DLST: variants seen among roughly 807,000 people sequenced by gnomAD.
The protein encoded by DLST is dihydrolipoamide S-succinyltransferase.
DLST carries 17 observed loss-of-function variants against 53.1 expected under a neutral mutation model. The ratio of observed to expected loss-of-function variants is 0.32; its 90% confidence interval spans 0.22 to 0.48. DLST has a LOEUF of 0.48. Ranked by LOEUF, DLST falls within the 20% of genes least tolerant of loss-of-function variation. The pLI is 0.99. For missense variants in DLST, 512 were observed against 583.9 expected (o/e 0.88, Z 1.27); for synonymous variants, 206 against 204.8 (o/e 1.01, Z -0.05).
intron 10 of DLST, among the ~76,000 whole-genome samples, chr14:74,896,115 TC>T (rs1368294152): frequency 6.6e-6 from 1 of 152,112 alleles, no homozygotes; most frequent in Non-Finnish European, 1.5e-5. Context: ...TGCTTTGGTC[TC>T]CCACTGGGAT....
intron 2 of DLST, 97 bp downstream of exon 2, chr14:74,882,721 A>C: frequency 8.5e-7 from 1 of 1,169,982 alleles, no homozygotes; most frequent in Non-Finnish European, 1.3e-6. Flanking sequence ...TAATATTTAA[A>C]GACAGTTTGG....
chr14:74,893,222 G>C, intron 8 of DLST, 126 bp from the exon 9 acceptor site: 1 of 1,151,980 alleles, frequency 8.7e-7, no homozygotes, highest in Non-Finnish European at 1.3e-6. Context: ...TGTGAAGTTG[G>C]AGTGATACTA....
At chr14:74,894,232 C>T (rs1474297291) in intron 9 of DLST, 80 bp from the exon 10 acceptor site, 8 of 1,549,944 alleles carry the variant, frequency 5.2e-6, no homozygotes, top group Non-Finnish European at 7.0e-6. Flanking sequence ...TCGTGGCAAG[C>T]CGTGTTCTTT....
chr14:74,903,095 C>T lies in DLST; in HGVS notation c.*765C>T, dbSNP rs1053807068. 3 of 152,732 alleles carry T rather than the reference C, an allele frequency of 2.0e-5. No individual in the cohort carries two copies. Among genetic ancestry groups the T allele is most frequent in the Non-Finnish European group, 2.9e-5 (2 of 68,104 alleles). The allele number at this position is 152,732 out of a possible 1,614,324, so 9.5% of individuals were successfully genotyped here. On this transcript the variant is annotated 3_prime_UTR_variant, in exon 15 of 15. Coordinates refer to ENST00000334220, the MANE Select transcript of DLST (RefSeq NM_001933.5). ...ACAGCTGGGGCTGTAGCAACCCTTT[C>T]CAACCCCTTTGCTGGTTGCTGGGCC...
Position 74,898,485 on chromosome 14 carries a change from C to T in DLST, c.887C>T (p.Pro296Leu), listed in dbSNP as rs1356433669. 4 of 1,614,156 alleles carry T rather than the reference C, an allele frequency of 2.5e-6. No individual in the cohort carries two copies. Among genetic ancestry groups the T allele is most frequent in the South Asian group, 1.1e-5 (1 of 91,078 alleles). ...TCAGCCTTTGCCTTGCAGGAACAGC[C>T]TGTTGTAAATGCAGGTGAGTTGCTT... ...KASAFALQEQ[P>L]VVNAVIDDTT... Residue 296 changes from proline to leucine, a missense_variant, in exon 11 of 15, where the codon CCT becomes CTT. Around this residue, in one of 4 missense-constraint regions of DLST, gnomAD observed 186 missense variants for 260.4 expected, o/e 0.71. Transcript: ENST00000334220.
At chr14:74,889,497 T>C (rs1883826841) in intron 5 of DLST, 148 bp downstream of exon 5, 2 of 664,828 alleles carry the variant, frequency 3.0e-6, no homozygotes, top group South Asian at 2.0e-5. Flanking sequence ...GCCTCCCGAA[T>C]AGCTGGGATT....
At chr14:74,890,247 C>T (rs1269673270) in intron 6 of DLST, among the ~76,000 whole-genome samples, 1 of 151,262 alleles carries the variant, frequency 6.6e-6, no homozygotes, top group African/African-American at 2.4e-5. Flanking sequence ...CCTGCCTCAG[C>T]CTCCCTAGTA....
At chr14:74,892,587 A>G (rs778352161) in intron 7 of DLST, among the ~76,000 whole-genome samples, 1 of 151,588 alleles carries the variant, frequency 6.6e-6, no homozygotes, top group Non-Finnish European at 1.5e-5. Flanking sequence ...GAATTTATTC[A>G]GTGGAAACCT....
At chr14:74,890,117 CA>C (rs1883852223) in intron 6 of DLST, among the ~76,000 whole-genome samples, 165 bp downstream of exon 6, 1 of 140,676 alleles carries the variant, frequency 7.1e-6, no homozygotes, top group African/African-American at 2.7e-5. Context: ...CAACTTTTTA[CA>C]TTTAACTTTT....
chr14:74,895,432 C>G (rs1884046244), intron 10 of DLST, among the ~76,000 whole-genome samples: 1 of 152,188 alleles, frequency 6.6e-6, no homozygotes, highest in South Asian at 2.1e-4. Context: ...TGAGTGCGTA[C>G]TGTATACAGA....
intron 10 of DLST, among the ~76,000 whole-genome samples, chr14:74,894,749 G>A (rs888182035): frequency 4.0e-5 from 6 of 151,774 alleles, no homozygotes; most frequent in Non-Finnish European, 7.4e-5. Context: ...GGGTTTCACC[G>A]TGTTAGCCAG....
intron 9 of DLST, 132 bp downstream of exon 9, chr14:74,893,556 G>A (rs1221516064): frequency 1.6e-5 from 15 of 926,130 alleles, no homozygotes. Flanking sequence ...GGGAGTTTAG[G>A]ATATAACTTC....
In DLST at chr14:74,899,621, A is replaced by G. The variant is rs111904074; in HGVS notation, c.902-302A>G. Among the ~76,000 whole-genome samples, 1,416 of 152,274 alleles carry G rather than the reference A, an allele frequency of 9.3e-3. 17 individuals are homozygous for G. The highest frequency in any genetic ancestry group is 0.044 in the Middle Eastern group (13 of 294). ...GCTAAAGGAGGGCTTGACTAGAGCTACTTAACGAGAGTTTAGTGCATACCT... is the reference window on the plus strand; with the variant it reads ...GCTAAAGGAGGGCTTGACTAGAGCTGCTTAACGAGAGTTTAGTGCATACCT... On this transcript the variant is annotated intron_variant, in intron 11 of 14. Coordinates refer to ENST00000334220, the MANE Select transcript of DLST (RefSeq NM_001933.5).
intron 3 of DLST, among the ~76,000 whole-genome samples, chr14:74,886,464 C>T (rs527287425): frequency 1.3e-5 from 2 of 151,882 alleles, no homozygotes; most frequent in African/African-American, 4.8e-5. Context: ...GTAGCTGAGA[C>T]TACAGGCACA....
At chr14:74,893,172 TTAGGC>T (rs918938138) in intron 8 of DLST, among the ~76,000 whole-genome samples, 171 bp from the exon 9 acceptor site, 49 of 152,204 alleles carry the variant, frequency 3.2e-4, no homozygotes, top group African/African-American at 1.2e-3. Context: ...CTGTGTGTCT[TTAGGC>T]TAGTCACTTA....
At chr14:74,893,271 A>G (rs1021848615) in intron 8 of DLST, 77 bp from the exon 9 acceptor site, 10 of 1,492,740 alleles carry the variant, frequency 6.7e-6, no homozygotes, top group Admixed American at 5.1e-5. Context: ...GTAACAGTAC[A>G]TATGAAAGCA....
chr14:74,895,831 A>G (rs1401093533), intron 10 of DLST, among the ~76,000 whole-genome samples: 1 of 151,878 alleles, frequency 6.6e-6, no homozygotes, highest in Non-Finnish European at 1.5e-5. Context: ...ACCCAGGAGG[A>G]GGTTGCAGTG....
rs1306080514 is a variant in DLST, at chr14:74,901,109, C to T, written c.1103C>T (p.Thr368Ile). 6.2e-7 allele frequency: 1 copy of T among 1,614,102 alleles called. No homozygotes were observed. The highest frequency in any genetic ancestry group is 8.5e-7 in the Non-Finnish European group (1 of 1,179,998). Reference sequence around the variant, plus strand: ...GCCATTGAAGATATGGATGGCGGTACCTTCACCATTAGCAATGGAGGCGTT... The same window carrying T: ...GCCATTGAAGATATGGATGGCGGTATCTTCACCATTAGCAATGGAGGCGTT... ...ELAIEDMDGGTFTISNGGVFG... is the reference protein window; with the variant it reads ...ELAIEDMDGGIFTISNGGVFG... Residue 368 changes from threonine (T) to isoleucine (I), a missense_variant, in exon 14 of 15, where the codon ACC becomes ATC. This residue lies in a region of DLST where 186 missense variants were observed against 260.4 expected (regional missense o/e 0.71). Transcript: ENST00000334220.
rs1316130797 is a variant in DLST at position 74,891,092 on chromosome 14, A to G, written c.367A>G (p.Ile123Val). Residue 123 changes from isoleucine (I) to valine (V), a missense_variant, in exon 7 of 15, where the codon ATT becomes GTT. Physicochemically the swap from Ile to Val is conservative, Grantham distance 29. Coordinates refer to ENST00000334220, the MANE Select transcript of DLST (RefSeq NM_001933.5). ...GGTTCCATCACCAGCAAATGGCGTG[A>G]TTGAAGCTCTTTTGGTACCTGATGG... ...VQVPSPANGV[I>V]EALLVPDGGK... The G allele has an allele frequency of 2.5e-6, 4 of 1,613,742 alleles. No homozygotes were observed. Among genetic ancestry groups the G allele is most frequent in the Non-Finnish European group, 3.4e-6 (4 of 1,179,962 alleles).
Sources: allele counts gnomAD v4.1 joint callset (sites outside exome capture counted in the v4.1 genomes callset), GRCh38; gene constraint gnomAD v4.1.1; regional missense constraint gnomAD v4.1.1; transcripts MANE v1.5; gene names NCBI Gene and HGNC (gene_info 2026-07-23, HGNC 2026-07-21).